ZNF169: variants seen among roughly 807,000 people sequenced by gnomAD.
The protein encoded by ZNF169 is zinc finger protein 169.
ZNF169 carries 11 observed loss-of-function variants against 12.0 expected under a neutral mutation model. The ratio of observed to expected loss-of-function variants is 0.92; its 90% CI spans 0.58 to 1.52. The LOEUF (loss-of-function observed/expected upper bound fraction) is 1.52, where lower values mean the gene tolerates loss of function less well. Among genes scored for constraint, ZNF169 ranks in the 40% most tolerant of loss-of-function variants. The probability of loss-of-function intolerance (pLI) is 0.00; values close to 1 mark genes in which losing one functional copy is unlikely to be tolerated. For synonymous variants in ZNF169, 302 were observed against 286.5 expected (o/e 1.05, Z -0.55); for missense variants, 722 against 744.0 (o/e 0.97, Z 0.34).
chr9:94,292,722 A>C, intron 3 of ZNF169: 1 of 619,076 alleles, frequency 1.6e-6, no homozygotes, highest in Non-Finnish European at 2.8e-6. Context: ...CTCCTCCTCT[A>C]AGGTTATCCT....
At chr9:94,294,132 C>T (rs1448613251) in intron 4 of ZNF169, 1 of 152,040 alleles carries the variant, frequency 6.6e-6, no homozygotes, top group African/African-American at 2.4e-5. Context: ...GGAACATGTC[C>T]AAGAGTTTCT....
intron 1 of ZNF169, among the ~76,000 whole-genome samples, chr9:94,272,735 T>C (rs1165177358): frequency 6.6e-6 from 1 of 152,290 alleles, no homozygotes; most frequent in East Asian, 1.9e-4. Context: ...TATCCAGAAG[T>C]TGGATTACAG....
intron 2 of ZNF169, among the ~76,000 whole-genome samples, chr9:94,283,767 T>C (rs939385500): frequency 1.3e-5 from 2 of 152,060 alleles, no homozygotes; most frequent in African/African-American, 2.4e-5. Flanking sequence ...AGAAAACTTA[T>C]TTTAAAAAGT....
Position 94,285,837 on chromosome 9 carries a change from C to T in ZNF169, c.34-6504C>T, listed in dbSNP as rs570326182. 2.0e-5 allele frequency among the ~76,000 whole-genome samples: 3 copies of T among 152,066 alleles called. No individual in the cohort carries two copies. In the East Asian group the frequency reaches 5.8e-4, roughly 29 times the overall value. ...CCAGCCTGACCAACATGGAGAACGTCGTCTCTACTAAAAATACAAAAAAAT... is the reference window on the plus strand; with the variant it reads ...CCAGCCTGACCAACATGGAGAACGTTGTCTCTACTAAAAATACAAAAAAAT... On this transcript the variant is annotated intron_variant, in intron 2 of 4. Coordinates refer to ENST00000395395, the MANE Select transcript of ZNF169 (RefSeq NM_194320.4).
chr9:94,287,894 G>A (rs1369371024), intron 2 of ZNF169: 31 of 972,060 alleles, frequency 3.2e-5, no homozygotes, highest in Admixed American at 6.8e-5. Context: ...CTGCTATTCC[G>A]AAGCTAGTGT....
intron 2 of ZNF169, among the ~76,000 whole-genome samples, chr9:94,288,730 G>T (rs1215516827): frequency 6.6e-6 from 1 of 152,152 alleles, no homozygotes; most frequent in East Asian, 1.9e-4. Flanking sequence ...AGATTTGCTT[G>T]CTTCCCCTTC....
chr9:94,280,364 G>A (rs1049254056), intron 2 of ZNF169, among the ~76,000 whole-genome samples: 3 of 152,114 alleles, frequency 2.0e-5, no homozygotes, highest in Admixed American at 1.3e-4. Context: ...TAACAGAGAA[G>A]CATTCTAGCA....
Sources: gnomAD v4.1 joint callset for allele counts (sites outside exome capture counted in the v4.1 genomes callset) on GRCh38, gnomAD v4.1.1 for gene constraint, MANE v1.5 for transcripts, NCBI Gene and HGNC (gene_info 2026-07-23, HGNC 2026-07-21) for gene names.